C1GALT1: variants seen among roughly 807,000 people sequenced by gnomAD.
C1GALT1 encodes glycoprotein-N-acetylgalactosamine 3-beta-galactosyltransferase 1.
Under a neutral mutation model 31.0 loss-of-function variants are expected in C1GALT1, and 11 were observed. The observed-to-expected ratio is 0.36, with a 90% CI of 0.22 to 0.59. The LOEUF is 0.59. Ranked by LOEUF, C1GALT1 falls within the 20% of genes least tolerant of loss-of-function variation. The pLI is 0.79. For missense variants in C1GALT1, 424 were observed against 425.2 expected (o/e 1.00, Z 0.03); for synonymous variants, 175 against 143.6 (o/e 1.22, Z -1.56).
chr7:7,243,430 T>C, intron 3 of C1GALT1, 94 bp from the exon 4 acceptor site: 1 of 1,032,154 alleles, frequency 9.7e-7, no homozygotes, highest in Non-Finnish European at 1.4e-6. Flanking sequence ...ATGTTTGTAT[T>C]CTTTTAAAAT....
chr7:7,197,297 G>A (rs1781333373), intron 1 of C1GALT1, among the ~76,000 whole-genome samples: 2 of 152,136 alleles, frequency 1.3e-5, no homozygotes, highest in South Asian at 4.1e-4. Context: ...ATTAAATAGG[G>A]AATCCTTTCC....
intron 1 of C1GALT1, among the ~76,000 whole-genome samples, chr7:7,212,625 G>A (rs1461261484): frequency 6.6e-6 from 1 of 152,178 alleles, no homozygotes; most frequent in Non-Finnish European, 1.5e-5. Context: ...GTCAGAGAAA[G>A]GAGTCATTGA....
chr7:7,191,552 A>C (rs6972996), intron 1 of C1GALT1, among the ~76,000 whole-genome samples: 6 of 152,242 alleles, frequency 3.9e-5, no homozygotes, highest in Non-Finnish European at 5.9e-5. Context: ...AGGAATTTTC[A>C]TACTGTTTTC....
At position 7,238,985 on chromosome 7, in the gene C1GALT1, CAT is replaced by C. The variant is rs1783498076; in HGVS notation, c.888+64_888+65del. 1 of 1,317,180 alleles carries C rather than the reference CAT, an allele frequency of 7.6e-7. No homozygotes were observed. 81.6% of individuals were successfully genotyped at this position (1,317,180 alleles called of 1,614,324 possible). ...ACTGACTGAATTTTGTTGATAAAAA[CAT>C]GTTAATATGTGTATGTTTCTTTAGT... is the stretch of plus-strand genomic sequence containing the variant. On this transcript the variant is annotated intron_variant, in intron 3 of 3. Coordinates refer to ENST00000436587, the MANE Select transcript of C1GALT1 (RefSeq NM_020156.5). The surrounding 1 kb of genome is among the most constrained non-coding windows in gnomAD (Gnocchi z 5.2).
intron 1 of C1GALT1, among the ~76,000 whole-genome samples, chr7:7,186,427 C>G (rs62449960): frequency 0.15 from 22,114 of 152,116 alleles, 2,005 homozygotes; most frequent in Middle Eastern, 0.28. Context: ...AAAATGTGGT[C>G]CCTGGATCTG....
chr7:7,229,378 G>A (rs1782957478), intron 1 of C1GALT1, among the ~76,000 whole-genome samples: 1 of 152,138 alleles, frequency 6.6e-6, no homozygotes, highest in Non-Finnish European at 1.5e-5. Flanking sequence ...CAGGTTCACT[G>A]CTTCAATCGT....
Position 7,248,343 on chromosome 7 carries a change from T to C in C1GALT1, c.*4616T>C, listed in dbSNP as rs143765187. ...TAATAACTTTGCGGGGCCCTGCAAA[T>C]TAATAATCTACATGAAGTATATTAT... On this transcript the variant is annotated 3_prime_UTR_variant, in exon 4 of 4. Transcript: ENST00000436587. 3.3e-5 allele frequency: 5 copies of C among 152,092 alleles called. No individual in the cohort carries two copies. Among genetic ancestry groups the C allele is most frequent in the African/African-American group, 9.6e-5 (4 of 41,552 alleles). 9.4% of individuals were successfully genotyped at this position (152,092 alleles called of 1,614,324 possible).
At chr7:7,221,476 CTGTT>C (rs10601018) in intron 1 of C1GALT1, among the ~76,000 whole-genome samples, 27,591 of 152,044 alleles carry the variant, frequency 0.18, 2,666 homozygotes, top group Middle Eastern at 0.3. Context: ...TTAAATGTGA[CTGTT>C]TGTCTTTTTC....
At chr7:7,170,915 G>A (rs1583729795) in intron 2 of C1GALT1, among the ~76,000 whole-genome samples, 1 of 152,238 alleles carries the variant, frequency 6.6e-6, no homozygotes, top group East Asian at 1.9e-4. Flanking sequence ...ATATATTTGT[G>A]GATTTTGCAG....
intron 2 of C1GALT1, among the ~76,000 whole-genome samples, chr7:7,165,141 A>T (rs1487894779): frequency 6.6e-6 from 1 of 152,170 alleles, no homozygotes; most frequent in Non-Finnish European, 1.5e-5. Context: ...TAGAAACCAC[A>T]GTAGCCAGGA....
At chr7:7,172,528 C>A (rs1242891665) in intron 2 of C1GALT1, among the ~76,000 whole-genome samples, 1 of 152,046 alleles carries the variant, frequency 6.6e-6, no homozygotes, top group East Asian at 1.9e-4. Context: ...TATAATTTTT[C>A]AAATATTATT....
At chr7:7,203,114 T>C (rs1198965940) in intron 1 of C1GALT1, among the ~76,000 whole-genome samples, 2 of 144,958 alleles carry the variant, frequency 1.4e-5, no homozygotes, top group African/African-American at 5.2e-5. Context: ...TTTTGGAATC[T>C]TTAGGGTTCC....
intron 1 of C1GALT1, among the ~76,000 whole-genome samples, chr7:7,190,547 TGA>T (rs1248407705): frequency 1.3e-5 from 2 of 152,174 alleles, no homozygotes; most frequent in African/African-American, 2.4e-5. Flanking sequence ...TTAAACAGAC[TGA>T]GAGTTTGTTC....
chr7:7,172,909 T>C (rs1348007259), intron 2 of C1GALT1, among the ~76,000 whole-genome samples: 5 of 152,194 alleles, frequency 3.3e-5, no homozygotes, highest in African/African-American at 4.8e-5. Flanking sequence ...TCTACCATTA[T>C]AGTATCATAA....
chr7:7,230,198 ATATAT>A (rs1218483896), intron 1 of C1GALT1, among the ~76,000 whole-genome samples: 1 of 152,210 alleles, frequency 6.6e-6, no homozygotes, highest in African/African-American at 2.4e-5. Flanking sequence ...TCAAATATGA[ATATAT>A]TAAGTATGTA....
chr7:7,180,808 T>C (rs957797541), upstream of C1GALT1, among the ~76,000 whole-genome samples: 1 of 151,910 alleles, frequency 6.6e-6, no homozygotes, highest in African/African-American at 2.4e-5. Flanking sequence ...GAAGATTGCT[T>C]CAGCCTTCAG....
intron 1 of C1GALT1, among the ~76,000 whole-genome samples, chr7:7,196,671 A>G (rs145539683): frequency 0.024 from 3,596 of 152,252 alleles, 121 homozygotes; most frequent in African/African-American, 0.081. Flanking sequence ...CTAGTTTACA[A>G]TCCCACCAAC....
intron 2 of C1GALT1, among the ~76,000 whole-genome samples, chr7:7,167,954 A>G (rs1005135560): frequency 2.6e-5 from 4 of 152,158 alleles, no homozygotes; most frequent in Admixed American, 1.3e-4. Flanking sequence ...TCAAGGTTTT[A>G]AATTTTCTTT....
chr7:7,221,982 C>T (rs935889343), intron 1 of C1GALT1, among the ~76,000 whole-genome samples: 2 of 152,200 alleles, frequency 1.3e-5, no homozygotes, highest in African/African-American at 4.8e-5. Flanking sequence ...CAGAACTACC[C>T]TGAGGGACTG....
Sources: gnomAD v4.1 joint callset for allele counts (sites outside exome capture counted in the v4.1 genomes callset) on GRCh38, gnomAD v4.1.1 for gene constraint, Gnocchi (gnomAD v3.1) non-coding constraint, MANE v1.5 for transcripts, NCBI Gene and HGNC (gene_info 2026-07-23, HGNC 2026-07-21) for gene names.